The following MGAT4C variants were observed in gnomAD, a reference collection of about 807,000 sequenced individuals.
The protein encoded by MGAT4C is MGAT4 family member C.
MGAT4C carries 19 observed loss-of-function variants against 40.1 expected under a neutral mutation model. The observed-to-expected ratio is 0.47, with a 90% CI of 0.33 to 0.70. The LOEUF is 0.70. Among genes scored for constraint, MGAT4C ranks in the 30% least tolerant of loss-of-function variants. MGAT4C has a pLI of 0.02. For synonymous variants in MGAT4C, 181 were observed against 187.1 expected, an observed-to-expected ratio of 0.97 and a Z score of 0.27; for missense variants, 491 against 563.2, an observed-to-expected ratio of 0.87 and a Z score of 1.30.
intron 2 of MGAT4C, among the ~76,000 whole-genome samples, chr12:86,441,246 C>T (rs4627144): frequency 1 from 151,561 of 152,100 alleles, 75,512 homozygotes; most frequent in Middle Eastern, 1. Flanking sequence ...CAAAATAGTA[C>T]GGTACTAATA....
intron 4 of MGAT4C, among the ~76,000 whole-genome samples, chr12:86,316,181 A>G (rs2136156037): frequency 6.6e-6 from 1 of 151,432 alleles, no homozygotes; most frequent in South Asian, 2.1e-4. Flanking sequence ...CCATCTCATC[A>G]GTCAGAATGG....
chr12:86,550,939 G>A lies in MGAT4C; in HGVS notation c.-228-115674C>T, dbSNP rs1248920392. Among the ~76,000 whole-genome samples, 5 of 152,196 alleles carry A rather than the reference G, an allele frequency of 3.3e-5. No individual in the cohort carries two copies. In the East Asian group the frequency reaches 5.8e-4, roughly 18 times the overall value. Reference sequence around the variant, plus strand: ...CATTTCTCTGCCGGGCCCAATGTGGGTGCCTATAATCAGGGCCGGGGAAAC... The same window carrying A: ...CATTTCTCTGCCGGGCCCAATGTGGATGCCTATAATCAGGGCCGGGGAAAC... On this transcript the variant is annotated intron_variant, in intron 2 of 7. Transcript: ENST00000548651.
intron 3 of MGAT4C, among the ~76,000 whole-genome samples, chr12:86,367,117 C>T (rs1955614636): frequency 6.6e-6 from 1 of 151,814 alleles, no homozygotes; most frequent in South Asian, 2.1e-4. Context: ...AGACAAACAC[C>T]ACCACTTTAA....
intron 1 of MGAT4C, among the ~76,000 whole-genome samples, chr12:86,169,623 C>T (rs1418686863): frequency 6.6e-6 from 1 of 152,150 alleles, no homozygotes; most frequent in Non-Finnish European, 1.5e-5. Flanking sequence ...CATCTCTCTA[C>T]TCCCTACAAC....
chr12:85,990,226 T>C (rs939580441), intron 2 of MGAT4C, among the ~76,000 whole-genome samples: 2 of 152,150 alleles, frequency 1.3e-5, no homozygotes, highest in Non-Finnish European at 2.9e-5. Flanking sequence ...ATAATTCATG[T>C]ACTACACAAA....
chr12:86,001,761 C>T (rs930548729), intron 2 of MGAT4C: 20 of 399,674 alleles, frequency 5.0e-5, no homozygotes, highest in South Asian at 4.1e-4. Context: ...TTCTTGAATC[C>T]CTGAGCTGAA....
chr12:86,321,406 A>C (rs1954383200), intron 4 of MGAT4C, among the ~76,000 whole-genome samples: 1 of 152,132 alleles, frequency 6.6e-6, no homozygotes, highest in Admixed American at 6.6e-5. Flanking sequence ...AGATATCAGA[A>C]ACTTCTTTTA....
chr12:86,774,839 A>G (rs1169519814), intron 1 of MGAT4C, among the ~76,000 whole-genome samples: 5 of 152,182 alleles, frequency 3.3e-5, no homozygotes, highest in African/African-American at 4.8e-5. Flanking sequence ...AGTTGGTTCT[A>G]TAATGAGGTC....
intron 3 of MGAT4C, among the ~76,000 whole-genome samples, chr12:86,417,469 A>T (rs1244958002): frequency 1.3e-5 from 2 of 152,158 alleles, no homozygotes; most frequent in Non-Finnish European, 2.9e-5. Flanking sequence ...CAAACAAAGC[A>T]TATACAACTA....
At chr12:86,798,065 G>A (rs1352804459) in intron 1 of MGAT4C, among the ~76,000 whole-genome samples, 2 of 151,826 alleles carry the variant, frequency 1.3e-5, no homozygotes, top group East Asian at 1.9e-4. Context: ...CTGTCAAGGT[G>A]TATATCACAT....
intron 2 of MGAT4C, among the ~76,000 whole-genome samples, chr12:86,497,695 T>C (rs986570478): frequency 1.3e-5 from 2 of 151,600 alleles, no homozygotes; most frequent in Non-Finnish European, 2.9e-5. Flanking sequence ...ATTTCCAACA[T>C]GAAAGTACAT....
At position 86,739,903 on chromosome 12, in the gene MGAT4C, G is replaced by A. The variant is rs1565958014; in HGVS notation, c.-261-12662C>T. On this transcript the variant is annotated intron_variant, in intron 1 of 7. Coordinates refer to the MGAT4C transcript ENST00000548651. ...ATATACACACACACATAAGTCCTAA[G>A]GCATATTATATATATATATGTTTCT... 3.3e-5 allele frequency among the ~76,000 whole-genome samples: 5 copies of A among 150,342 alleles called. No homozygotes were observed. In the South Asian group the frequency reaches 1.0e-3, roughly 31 times the overall value.
chr12:86,683,170 A>C (rs976169520), intron 2 of MGAT4C, among the ~76,000 whole-genome samples: 5 of 151,990 alleles, frequency 3.3e-5, no homozygotes, highest in African/African-American at 1.2e-4. Flanking sequence ...AATACCTCAT[A>C]GGGTGGGGTT....
At chr12:86,197,389 A>G (rs1258633766) in intron 1 of MGAT4C, among the ~76,000 whole-genome samples, 5 of 152,210 alleles carry the variant, frequency 3.3e-5, no homozygotes, top group Admixed American at 3.3e-4. Flanking sequence ...AAACACACAC[A>G]AAAATTCTAA....
intron 1 of MGAT4C, among the ~76,000 whole-genome samples, chr12:86,744,297 T>A (rs1951118072): frequency 6.6e-6 from 1 of 151,254 alleles, no homozygotes; most frequent in Non-Finnish European, 1.5e-5. Context: ...CTCAATAGGT[T>A]GCTAAGGAAA....
Position 86,127,224 on chromosome 12 carries a change from A to G in MGAT4C, c.-56-77501T>C, listed in dbSNP as rs150388604. 5.0e-3 allele frequency among the ~76,000 whole-genome samples: 762 copies of G among 152,334 alleles called. 7 individuals carry two copies. Among genetic ancestry groups the G allele is most frequent in the African/African-American group, 0.017 (725 of 41,576 alleles). On this transcript the variant is annotated intron_variant, in intron 1 of 4. Coordinates refer to ENST00000611864, the MANE Select transcript of MGAT4C (RefSeq NM_001351288.2). ...TGGTGTAGCCTATTGCTCCTAGGCT[A>G]CAAACCTGTACAGTATGTTACTGTA...
intron 4 of MGAT4C, among the ~76,000 whole-genome samples, chr12:86,316,652 T>C (rs1954241186): frequency 6.6e-6 from 1 of 152,022 alleles, no homozygotes; most frequent in African/African-American, 2.4e-5. Flanking sequence ...AAGTGAAAGA[T>C]AAATATTGAG....
intron 2 of MGAT4C, among the ~76,000 whole-genome samples, chr12:86,610,996 T>G (rs530852079): frequency 6.6e-6 from 1 of 151,990 alleles, no homozygotes; most frequent in Non-Finnish European, 1.5e-5. Context: ...TGGCTGACTC[T>G]GGTAAGTTCT....
rs1224238278 is a variant in MGAT4C at position 86,764,436 on chromosome 12, G to C, written c.-261-37195C>G. Reference sequence around the variant, plus strand: ...CTGTAGGCTCCACCTCTGGGGGCAGGGCACAGACAAACAAAAAGACAGCAG... The same window carrying C: ...CTGTAGGCTCCACCTCTGGGGGCAGCGCACAGACAAACAAAAAGACAGCAG... On this transcript the variant is annotated intron_variant, in intron 1 of 7. Coordinates refer to the MGAT4C transcript ENST00000548651. Among the ~76,000 whole-genome samples the C allele has an allele frequency of 2.6e-5, 4 of 152,004 alleles. 1 individual carries two copies. Among genetic ancestry groups the C allele is most frequent in the South Asian group, 4.2e-4 (2 of 4,812 alleles).
Sources: gnomAD v4.1 joint callset for allele counts (sites outside exome capture counted in the v4.1 genomes callset) on GRCh38, gnomAD v4.1.1 for gene constraint, MANE v1.5 for transcripts, NCBI Gene and HGNC (gene_info 2026-07-23, HGNC 2026-07-21) for gene names.